LAMA3: variants seen among roughly 807,000 people sequenced by gnomAD.
LAMA3 encodes laminin subunit alpha 3, also known as laminin subunit alpha-3.
LAMA3 carries 281 observed loss-of-function variants against 402.0 expected under a neutral mutation model. The ratio of observed to expected loss-of-function variants is 0.70; its 90% confidence interval spans 0.63 to 0.77. The LOEUF is 0.77. LAMA3 is among the 30% of genes least tolerant of loss of function. The pLI is 0.00. For missense variants in LAMA3, 3,840 were observed against 4,215.5 expected, an observed-to-expected ratio of 0.91 and a Z score of 2.47; for synonymous variants, 1,431 against 1,558.4, an observed-to-expected ratio of 0.92 and a Z score of 1.93.
intron 44 of LAMA3, among the ~76,000 whole-genome samples, chr18:23,897,597 A>G (rs968237485): frequency 6.6e-6 from 1 of 152,226 alleles, no homozygotes. Flanking sequence ...AAACTTGCCT[A>G]GAATCATGGT....
At chr18:23,702,540 C>T (rs182757084) in intron 1 of LAMA3, among the ~76,000 whole-genome samples, 15 of 152,158 alleles carry the variant, frequency 9.9e-5, no homozygotes, top group Middle Eastern at 6.8e-3. Flanking sequence ...TTGCCCAGGC[C>T]GGTCTTGAAC....
intron 2 of LAMA3, among the ~76,000 whole-genome samples, chr18:23,739,717 A>G (rs1338805524): frequency 6.6e-6 from 1 of 152,204 alleles, no homozygotes; most frequent in Non-Finnish European, 1.5e-5. Context: ...GTATGAACTT[A>G]CTTATGAAAA....
chr18:23,794,375 T>A (rs1180084709), intron 12 of LAMA3, among the ~76,000 whole-genome samples: 2 of 152,212 alleles, frequency 1.3e-5, no homozygotes, highest in African/African-American at 4.8e-5. Context: ...AGCCAGAAAC[T>A]GTGGGCGAAA....
chr18:23,774,087 G>A (rs112284591), intron 9 of LAMA3, among the ~76,000 whole-genome samples: 14 of 152,152 alleles, frequency 9.2e-5, no homozygotes, highest in African/African-American at 2.4e-4. Flanking sequence ...GCCAGGTGTG[G>A]TGGTGCTCAC....
rs2081815148 is a variant in LAMA3, at chr18:23,920,970, G to A, written c.7959G>A (p.Lys2653=). The A allele has an allele frequency of 1.2e-6, 2 of 1,613,912 alleles. No homozygotes were observed. The highest frequency in any genetic ancestry group is 1.1e-5 in the South Asian group (1 of 91,072). Residue 2653 remains lysine, a synonymous_variant, in exon 61 of 75, where the codon AAG becomes AAA. Transcript: ENST00000313654. The stretch of plus-strand genomic sequence containing the variant: ...TATCTCTAAATATAGAAGATGGCAA[G>A]CTCATGGTGAGATACAAACTGAATT... The part of the protein sequence containing the change: ...RFISLNIEDG[K]LMVRYKLNSE...
In LAMA3 at chr18:23,914,734, A is replaced by C; in HGVS notation, c.7518A>C (p.Gly2506=). The part of the protein sequence containing the change: ...YQFARLNYTK[G]ATSSKPETPG... The stretch of plus-strand genomic sequence containing the variant: ...TTGCAAGGCTTAATTACACCAAAGG[A>C]GCCACATCCAGTAAACCAGAAACAC... The change falls in exon 58 of 75, where the codon GGA becomes GGC. Residue 2506 remains glycine, a synonymous_variant. Transcript: ENST00000313654. The C allele has an allele frequency of 6.2e-7, 1 of 1,613,868 alleles. No individual in the cohort carries two copies. Among genetic ancestry groups the C allele is most frequent in the Non-Finnish European group, 8.5e-7 (1 of 1,179,790 alleles).
intron 40 of LAMA3, among the ~76,000 whole-genome samples, chr18:23,884,522 A>G (rs1018132521): frequency 2.4e-4 from 37 of 152,164 alleles, no homozygotes; most frequent in Admixed American, 2.4e-3. Context: ...TTAAGGGGAA[A>G]AAATGCTCTT....
intron 7 of LAMA3, among the ~76,000 whole-genome samples, chr18:23,761,108 A>T (rs1395158555): frequency 6.6e-6 from 1 of 152,116 alleles, no homozygotes; most frequent in Non-Finnish European, 1.5e-5. Flanking sequence ...AATCTACATA[A>T]TTTTATATCC....
At chr18:23,798,628 C>T (rs757447238) in intron 12 of LAMA3, among the ~76,000 whole-genome samples, 1 of 152,164 alleles carries the variant, frequency 6.6e-6, no homozygotes, top group Non-Finnish European at 1.5e-5. Flanking sequence ...TGCAGTTTTG[C>T]CTTGAACTGG....
At chr18:23,765,428 T>C (rs1284540011) in intron 8 of LAMA3, among the ~76,000 whole-genome samples, 1 of 152,212 alleles carries the variant, frequency 6.6e-6, no homozygotes, top group Non-Finnish European at 1.5e-5. Context: ...TAGTTACCAC[T>C]TAAGAGTCAG....
Position 23,839,154 on chromosome 18 carries a change from G to A in LAMA3, c.3191+276G>A, listed in dbSNP as rs1568239488. 6.6e-6 allele frequency among the ~76,000 whole-genome samples: 1 copy of A among 152,194 alleles called. No homozygotes were observed. The highest frequency in any genetic ancestry group is 1.5e-5 in the Non-Finnish European group (1 of 68,040). On this transcript the variant is annotated intron_variant, in intron 26 of 74. Coordinates refer to ENST00000313654, the MANE Select transcript of LAMA3 (RefSeq NM_198129.4). This position sits in a 1 kb window ranked among gnomAD's most constrained non-coding sequence, Gnocchi z 4.5. Reference sequence around the variant, plus strand: ...ACGCTGAGTTCTATTCTGAGCCCTCGAAAAGACTCGTTTTGTTCCAATCTT... The same window carrying A: ...ACGCTGAGTTCTATTCTGAGCCCTCAAAAAGACTCGTTTTGTTCCAATCTT...
chr18:23,729,837 G>T (rs936808085), intron 2 of LAMA3, among the ~76,000 whole-genome samples: 3 of 152,228 alleles, frequency 2.0e-5, no homozygotes, highest in African/African-American at 7.2e-5. Flanking sequence ...CCCAAGTCTG[G>T]CACCAGAGCC....
intron 41 of LAMA3, among the ~76,000 whole-genome samples, chr18:23,888,714 C>T (rs948480): frequency 1.7e-4 from 26 of 152,124 alleles, no homozygotes; most frequent in African/African-American, 2.9e-4. Flanking sequence ...TACATGGTAA[C>T]GTGTATTGGA....
chr18:23,837,714 AAGG>A (rs1281215946), intron 25 of LAMA3, among the ~76,000 whole-genome samples: 8 of 151,348 alleles, frequency 5.3e-5, no homozygotes, highest in African/African-American at 1.2e-4. Context: ...TCTCACTAGA[AAGG>A]AGGTGGCCAG....
At position 23,912,891 on chromosome 18, in the gene LAMA3, G is replaced by T. The variant is rs754983914; in HGVS notation, c.7329+10G>T. The T allele has an allele frequency of 6.2e-7, 1 of 1,609,614 alleles. No individual in the cohort carries two copies. The highest frequency in any genetic ancestry group is 8.5e-7 in the Non-Finnish European group (1 of 1,176,636). ...CCTTGGAAATAAAGATGTAAGTATTGCTTGGACATCTCTCTTGTTTTTGAA... is the reference window on the plus strand; with the variant it reads ...CCTTGGAAATAAAGATGTAAGTATTTCTTGGACATCTCTCTTGTTTTTGAA... On this transcript the variant is annotated intron_variant, in intron 56 of 74. Transcript: ENST00000313654.
intron 7 of LAMA3, among the ~76,000 whole-genome samples, chr18:23,759,823 A>G (rs2061932781): frequency 6.6e-6 from 1 of 152,122 alleles, no homozygotes; most frequent in African/African-American, 2.4e-5. Context: ...AAGTTCTGGG[A>G]AGGTCTTGTG....
intron 41 of LAMA3, among the ~76,000 whole-genome samples, chr18:23,887,677 G>C (rs778009772): frequency 6.6e-6 from 1 of 152,172 alleles, no homozygotes; most frequent in Non-Finnish European, 1.5e-5. Context: ...GACAGTCAAG[G>C]GTGAAAAGCA....
At chr18:23,704,024 A>C (rs1224989962) in intron 1 of LAMA3, among the ~76,000 whole-genome samples, 2 of 152,214 alleles carry the variant, frequency 1.3e-5, no homozygotes, top group African/African-American at 4.8e-5. Flanking sequence ...GGGTTTGGGC[A>C]CTTGAGACAC....
At chr18:23,791,569 T>TA (rs1339515896) in intron 12 of LAMA3, among the ~76,000 whole-genome samples, 3 of 151,594 alleles carry the variant, frequency 2.0e-5, no homozygotes, top group South Asian at 2.1e-4. Context: ...CTGTCTCTAC[T>TA]AAAAAAATAC....
Sources: gnomAD v4.1 joint callset for allele counts (sites outside exome capture counted in the v4.1 genomes callset) on GRCh38, gnomAD v4.1.1 for gene constraint, Gnocchi (gnomAD v3.1) non-coding constraint, MANE v1.5 for transcripts, NCBI Gene and HGNC (gene_info 2026-07-23, HGNC 2026-07-21) for gene names.